The following SLCO4A1 variants were observed in gnomAD, a reference collection of about 807,000 sequenced individuals.
SLCO4A1 encodes the protein solute carrier organic anion transporter family member 4A1.
A neutral mutation model predicts 64.6 loss-of-function variants in SLCO4A1; 51 were observed. The observed-to-expected ratio is 0.79, with a 90% CI of 0.63 to 1.00. The LOEUF is 1.00. Ranked by LOEUF, SLCO4A1 falls within the 50% of genes least tolerant of loss-of-function variation. The pLI, the probability that SLCO4A1 is intolerant of heterozygous loss-of-function variation, is 0.00. For synonymous variants in SLCO4A1, 471 were observed against 444.9 expected (o/e 1.06, Z -0.74); for missense variants, 919 against 980.5 (o/e 0.94, Z 0.84).
intron 1 of SLCO4A1, among the ~76,000 whole-genome samples, chr20:62,654,288 C>T (rs1053968670): frequency 1.3e-5 from 2 of 152,238 alleles, no homozygotes; most frequent in Admixed American, 1.3e-4. Context: ...AGGATGATCT[C>T]TTCTCAGATC....
chr20:62,668,434 AC>A, intron 9 of SLCO4A1, 42 bp from the exon 10 acceptor site: 1 of 1,594,808 alleles, frequency 6.3e-7, no homozygotes, highest in Non-Finnish European at 8.6e-7. Context: ...TTGGCATGCA[AC>A]CCCACTTCTG....
chr20:62,663,770 C>G (rs1009946638), intron 5 of SLCO4A1, among the ~76,000 whole-genome samples: 13 of 152,266 alleles, frequency 8.5e-5, no homozygotes, highest in African/African-American at 3.1e-4. Flanking sequence ...TGAGCTTTGC[C>G]CAGTCTGGGT....
downstream of SLCO4A1, among the ~76,000 whole-genome samples, chr20:62,689,336 C>T (rs1035205851): frequency 2.6e-5 from 4 of 152,210 alleles, no homozygotes; most frequent in African/African-American, 9.7e-5. Flanking sequence ...GCCTCGCAGG[C>T]CTGTCTCTTG....
chr20:62,680,985 G>A (rs6122377), intron 2 of SLCO4A1, among the ~76,000 whole-genome samples: 1 of 152,126 alleles, frequency 6.6e-6, no homozygotes, highest in East Asian at 1.9e-4. Context: ...CCTCACTGTA[G>A]GCTCAACCTC....
chr20:62,674,950 A>C (rs1987517903), downstream of SLCO4A1, among the ~76,000 whole-genome samples: 1 of 152,118 alleles, frequency 6.6e-6, no homozygotes, highest in African/African-American at 2.4e-5. Flanking sequence ...CCGTTGTTTG[A>C]GCCGCCAAGC....
chr20:62,651,407 A>G (rs1328817108), intron 1 of SLCO4A1: 2 of 152,262 alleles, frequency 1.3e-5, no homozygotes, highest in African/African-American at 2.4e-5. Context: ...GATCTCAGAA[A>G]GACGTCAGAA....
intron 1 of SLCO4A1, among the ~76,000 whole-genome samples, chr20:62,646,021 T>C (rs1981263014): frequency 6.6e-6 from 1 of 152,128 alleles, no homozygotes; most frequent in Non-Finnish European, 1.5e-5. Flanking sequence ...CCCATGGGCC[T>C]AGGAGGCCAC....
chr20:62,643,184 C>G (rs1980705937), intron 1 of SLCO4A1: 1 of 351,496 alleles, frequency 2.8e-6, no homozygotes, highest in Non-Finnish European at 5.9e-6. Flanking sequence ...TTTCCCTGCC[C>G]CACCACGCGA....
chr20:62,667,831 G>T lies in SLCO4A1; in HGVS notation c.1559G>T (p.Gly520Val). The T allele has an allele frequency of 6.2e-7, 1 of 1,613,384 alleles. No individual in the cohort carries two copies. Among genetic ancestry groups the T allele is most frequent in the Non-Finnish European group, 8.5e-7 (1 of 1,180,028 alleles). The stretch of plus-strand genomic sequence containing the variant: ...CCAGAACACTACAGCCCTGTGTGCG[G>T]CTCGGACGGCCTCATGTACTTCTCA... ...CQPEHYSPVC[G>V]SDGLMYFSLC... The change falls in exon 8 of 12, where the codon GGC (glycine) becomes GTC (valine). Residue 520 changes from glycine (G) to valine (V), a missense_variant. Coordinates refer to ENST00000217159, the MANE Select transcript of SLCO4A1 (RefSeq NM_016354.4).
downstream of SLCO4A1, among the ~76,000 whole-genome samples, chr20:62,686,950 C>T (rs1396051228): frequency 1.3e-5 from 2 of 150,862 alleles, no homozygotes; most frequent in South Asian, 2.1e-4. Context: ...GAAAGGGCAC[C>T]CCCAAACAGG....
chr20:62,656,357 A>G lies in SLCO4A1; in HGVS notation c.-96-2A>G. 2 of 1,042,002 alleles carry G rather than the reference A, an allele frequency of 1.9e-6. No homozygotes were observed. The highest frequency in any genetic ancestry group is 2.7e-6 in the Non-Finnish European group (2 of 740,230). 64.5% of individuals were successfully genotyped at this position (1,042,002 alleles called of 1,614,324 possible). A position where few individuals can be genotyped will look rare whatever the true frequency, so the allele number is the denominator to read the frequency against. ...CTTGCTAACCAGACATTCTTCTCAC[A>G]GGACACACCAGCCCCTCGGATACCA... On this transcript the variant is annotated splice_acceptor_variant, in intron 1 of 11. Transcript: ENST00000217159. LOFTEE classifies it low-confidence loss of function (5UTR_SPLICE).
At position 62,672,123 on chromosome 20, in the gene SLCO4A1, A is replaced by C. The variant is rs1987310563; in HGVS notation, c.*230A>C. 4.2e-6 allele frequency: 6 copies of C among 1,420,344 alleles called. No homozygotes were observed. Among genetic ancestry groups the C allele is most frequent in the Non-Finnish European group, 5.5e-6 (6 of 1,084,804 alleles). 88.0% of individuals were successfully genotyped at this position (1,420,344 alleles called of 1,614,324 possible). ...TTATGGACACACAGTTTGCATCAGA[A>C]CGTGTTTATAGAATGTGTTTTATAC... On this transcript the variant is annotated 3_prime_UTR_variant, in exon 12 of 12. Transcript: ENST00000217159.
intron 1 of SLCO4A1, among the ~76,000 whole-genome samples, chr20:62,652,997 C>T (rs1320255799): frequency 6.6e-6 from 1 of 152,242 alleles, no homozygotes; most frequent in African/African-American, 2.4e-5. Flanking sequence ...GGCTGTGTGG[C>T]CTCGAGCAAA....
At chr20:62,658,889 C>A in intron 3 of SLCO4A1, 122 bp downstream of exon 3, 2 of 836,030 alleles carry the variant, frequency 2.4e-6, no homozygotes, top group East Asian at 2.7e-5. Flanking sequence ...TGGGCACCCC[C>A]CGGGCTGGAG....
rs1349604973 is a variant in SLCO4A1, at chr20:62,683,889, ACGCGC to A, written n.212-1551_212-1547del. 6.6e-5 allele frequency among the ~76,000 whole-genome samples: 10 copies of A among 151,904 alleles called. 1 individual carries two copies. Among genetic ancestry groups the A allele is most frequent in the East Asian group, 2.0e-4 (1 of 5,124 alleles). ...ACACATGCAAAGATCTCACGTGACC[ACGCGC>A]TTCCCACACACGCTCACGCAACGAT... On this transcript the variant is annotated intron_variant and non_coding_transcript_variant, in intron 2 of 2. Coordinates refer to the SLCO4A1 transcript ENST00000466818.
chr20:62,679,364 C>G (rs1344340906), intron 2 of SLCO4A1, among the ~76,000 whole-genome samples: 1 of 126,964 alleles, frequency 7.9e-6, no homozygotes, highest in African/African-American at 3.1e-5. Context: ...TCATCAAATT[C>G]CTTTTTTTTT....
chr20:62,663,262 A>G (rs1340838370), intron 5 of SLCO4A1: 1 of 152,216 alleles, frequency 6.6e-6, no homozygotes, highest in Non-Finnish European at 1.5e-5. Context: ...GATTCTTCAG[A>G]ATCCATTTAC....
downstream of SLCO4A1, among the ~76,000 whole-genome samples, chr20:62,688,367 C>A (rs1417391082): frequency 2.6e-5 from 4 of 152,184 alleles, no homozygotes; most frequent in African/African-American, 9.7e-5. Context: ...CACCCCCCAG[C>A]CCTGTGCAAC....
At chr20:62,667,151 G>C (rs1986504334) in intron 7 of SLCO4A1, among the ~76,000 whole-genome samples, 2 of 152,386 alleles carry the variant, frequency 1.3e-5, no homozygotes, top group East Asian at 3.9e-4. Flanking sequence ...TCACTACGCT[G>C]TCCTCACAAC....
Sources: gnomAD v4.1 joint callset for allele counts (sites outside exome capture counted in the v4.1 genomes callset) on GRCh38, gnomAD v4.1.1 for gene constraint, MANE v1.5 for transcripts, NCBI Gene and HGNC (gene_info 2026-07-23, HGNC 2026-07-21) for gene names.